The following DENND2B variants were observed in gnomAD, a reference collection of about 807,000 sequenced individuals.
The protein encoded by DENND2B is DENN domain-containing protein 2B.
A neutral mutation model predicts 116.0 loss-of-function variants in DENND2B; 32 were observed. The observed-to-expected ratio is 0.28, with a 90% CI of 0.21 to 0.37. DENND2B has a LOEUF of 0.37. Among genes scored for constraint, DENND2B ranks in the 10% least tolerant of loss-of-function variants. The pLI is 1.00. For missense variants in DENND2B, 1,276 were observed against 1,477.7 expected, an observed-to-expected ratio of 0.86 and a Z score of 2.24; for synonymous variants, 588 against 583.9, an observed-to-expected ratio of 1.01 and a Z score of -0.10.
intron 4 of DENND2B, among the ~76,000 whole-genome samples, chr11:8,820,812 T>C (rs1336129189): frequency 1.3e-5 from 2 of 152,150 alleles, no homozygotes; most frequent in South Asian, 4.2e-4. Flanking sequence ...AGATGGACTA[T>C]TGTGCAGCCA....
intron 4 of DENND2B, chr11:8,718,468 T>C (rs777434401): frequency 6.7e-7 from 1 of 1,494,304 alleles, no homozygotes; most frequent in East Asian, 2.5e-5. Flanking sequence ...CAGGGTTTTG[T>C]GTTGTTCACT....
chr11:8,776,550 C>T (rs1205883728), intron 1 of DENND2B: 2 of 268,196 alleles, frequency 7.5e-6, no homozygotes, highest in Non-Finnish European at 1.5e-5. Flanking sequence ...CCAGACATCG[C>T]AGGCAGCTTG....
chr11:8,720,854 G>C (rs1217426214), intron 4 of DENND2B, among the ~76,000 whole-genome samples: 3 of 152,216 alleles, frequency 2.0e-5, no homozygotes, highest in Non-Finnish European at 4.4e-5. Flanking sequence ...GGAGACGGTA[G>C]GCTGGGAAAT....
chr11:8,746,462 T>C (rs2051271394), intron 2 of DENND2B, among the ~76,000 whole-genome samples: 1 of 152,214 alleles, frequency 6.6e-6, no homozygotes, highest in South Asian at 2.1e-4. Context: ...AGAGAATGTA[T>C]CGGGCCTCCA....
At chr11:8,902,032 A>G (rs2064176777) in intron 1 of DENND2B, among the ~76,000 whole-genome samples, 1 of 152,020 alleles carries the variant, frequency 6.6e-6, no homozygotes, top group Non-Finnish European at 1.5e-5. Context: ...ATCAGTTATT[A>G]AGACTGAGGA....
chr11:8,869,921 C>T (rs1026429404), intron 2 of DENND2B, among the ~76,000 whole-genome samples: 3 of 115,150 alleles, frequency 2.6e-5, no homozygotes, highest in Non-Finnish European at 5.4e-5. Context: ...TTTTAGAAAC[C>T]CCTAATTCTG....
In DENND2B at chr11:8,890,574, A is replaced by G. The variant is rs573410021; in HGVS notation, c.-255-9465T>C. On this transcript the variant is annotated intron_variant, in intron 1 of 22. Coordinates refer to the DENND2B transcript ENST00000534127. The stretch of plus-strand genomic sequence containing the variant: ...ACCTGATGGAGCTGAAAACCATGGC[A>G]TGAGAACTACGTGATGAATGCACAA... 1.1e-3 allele frequency among the ~76,000 whole-genome samples: 168 copies of G among 152,338 alleles called. 2 individuals are homozygous for G. The highest frequency in any genetic ancestry group is 3.8e-3 in the African/African-American group (160 of 41,588).
intron 3 of DENND2B, among the ~76,000 whole-genome samples, chr11:8,843,902 T>C (rs1341383098): frequency 6.6e-6 from 1 of 152,224 alleles, no homozygotes; most frequent in Admixed American, 6.5e-5. Flanking sequence ...TCTCTGGCCA[T>C]GGGCTTCCCT....
chr11:8,791,735 C>A (rs952401155), intron 1 of DENND2B, among the ~76,000 whole-genome samples: 8 of 150,432 alleles, frequency 5.3e-5, no homozygotes, highest in South Asian at 2.1e-4. Context: ...CACTGCACTC[C>A]AGCCTGGGCT....
intron 4 of DENND2B, among the ~76,000 whole-genome samples, chr11:8,824,059 C>T (rs763300969): frequency 6.6e-6 from 1 of 151,808 alleles, no homozygotes; most frequent in Non-Finnish European, 1.5e-5. Context: ...CCCACCACCA[C>T]GCCCGGCTAA....
intron 4 of DENND2B, among the ~76,000 whole-genome samples, chr11:8,838,406 C>T (rs1566036983): frequency 6.6e-6 from 1 of 152,256 alleles, no homozygotes; most frequent in African/African-American, 2.4e-5. Flanking sequence ...ACGTCCACCG[C>T]TCCTTCCAAC....
intron 17 of DENND2B, among the ~76,000 whole-genome samples, chr11:8,696,888 A>G (rs771951594): frequency 6.6e-6 from 1 of 152,156 alleles, no homozygotes; most frequent in Non-Finnish European, 1.5e-5. Flanking sequence ...GGTTCAAGCA[A>G]TTCTCCTGCC....
chr11:8,902,747 C>A (rs2064185452), intron 1 of DENND2B, among the ~76,000 whole-genome samples: 1 of 152,164 alleles, frequency 6.6e-6, no homozygotes, highest in Non-Finnish European at 1.5e-5. Context: ...CATGGTATAT[C>A]TTTTTCTTTA....
chr11:8,798,504 A>G (rs1037238337), intron 1 of DENND2B, among the ~76,000 whole-genome samples: 2 of 152,212 alleles, frequency 1.3e-5, no homozygotes, highest in African/African-American at 2.4e-5. Context: ...GGGACCCAGG[A>G]GGATGGCACA....
In DENND2B at chr11:8,712,871, G is replaced by T; in HGVS notation, c.1988-136C>A. 2.2e-6 allele frequency: 2 copies of T among 921,816 alleles called. No individual in the cohort carries two copies. The highest frequency in any genetic ancestry group is 3.2e-6 in the Non-Finnish European group (2 of 633,668). 57.1% of individuals were successfully genotyped at this position (921,816 alleles called of 1,614,324 possible). The stretch of plus-strand genomic sequence containing the variant: ...AGTCTGATACCATCCCCAGCTCACA[G>T]TGCAGGAGGACCGGCAGGCACAAGG... On this transcript the variant is annotated intron_variant, in intron 8 of 19. Transcript: ENST00000313726. The surrounding 1 kb of genome is among the most constrained non-coding windows in gnomAD (Gnocchi z 4.4).
At chr11:8,820,288 A>G (rs2061713546) in intron 4 of DENND2B, among the ~76,000 whole-genome samples, 2 of 152,262 alleles carry the variant, frequency 1.3e-5, no homozygotes, top group South Asian at 4.1e-4. Flanking sequence ...GTGTTAAAAT[A>G]AAAATAACCT....
At chr11:8,760,625 A>AAAGAG (rs1225246887) in intron 1 of DENND2B, among the ~76,000 whole-genome samples, 7 of 152,182 alleles carry the variant, frequency 4.6e-5, no homozygotes, top group African/African-American at 1.7e-4. Context: ...GAGAAGAAAA[A>AAAGAG]AAGAGAAGAG....
chr11:8,814,071 T>A (rs1306260137), upstream of DENND2B, among the ~76,000 whole-genome samples: 1 of 152,022 alleles, frequency 6.6e-6, no homozygotes, highest in Non-Finnish European at 1.5e-5. Flanking sequence ...CATCCTCAAC[T>A]CTCCCTTCTT....
At chr11:8,793,668 A>G (rs915434231) in intron 1 of DENND2B, among the ~76,000 whole-genome samples, 3 of 152,198 alleles carry the variant, frequency 2.0e-5, no homozygotes, top group African/African-American at 4.8e-5. Flanking sequence ...TAATGCTGCA[A>G]TGAACACTGG....
Sources: allele counts gnomAD v4.1 joint callset (sites outside exome capture counted in the v4.1 genomes callset), GRCh38; gene constraint gnomAD v4.1.1; non-coding constraint Gnocchi (gnomAD v3.1); transcripts MANE v1.5; gene names NCBI Gene and HGNC (gene_info 2026-07-23, HGNC 2026-07-21).